Variants in PPP3R1 observed in about 807,000 individuals in gnomAD.
PPP3R1 encodes protein phosphatase 3 regulatory subunit B, alpha, also known as calcineurin subunit B type 1.
Under a neutral mutation model 22.6 loss-of-function variants are expected in PPP3R1, and 5 were observed. The ratio of observed to expected loss-of-function variants is 0.22; its 90% CI spans 0.12 to 0.46. The LOEUF (loss-of-function observed/expected upper bound fraction) is 0.46, where lower values mean the gene tolerates loss of function less well. Among genes scored for constraint, PPP3R1 ranks in the 20% least tolerant of loss-of-function variants. PPP3R1 has a pLI of 0.99. For missense variants in PPP3R1, 61 were observed against 203.2 expected, an observed-to-expected ratio of 0.30 and a Z score of 4.25; for synonymous variants, 56 against 65.2, an observed-to-expected ratio of 0.86 and a Z score of 0.68.
chr2:68,251,564 G>C (rs943434803), intron 1 of PPP3R1, among the ~76,000 whole-genome samples: 7 of 152,230 alleles, frequency 4.6e-5, no homozygotes, highest in Non-Finnish European at 1.0e-4. Context: ...ACGCTCGCAG[G>C]AGAGGGGAAG....
At chr2:68,190,417 T>C (rs1375435330) in intron 2 of PPP3R1, among the ~76,000 whole-genome samples, 1 of 151,812 alleles carries the variant, frequency 6.6e-6, no homozygotes. Flanking sequence ...ATACAAAAAT[T>C]AGCCGGGAGT....
At chr2:68,226,410 T>A (rs2103784864) in intron 1 of PPP3R1, among the ~76,000 whole-genome samples, 1 of 152,236 alleles carries the variant, frequency 6.6e-6, no homozygotes, top group East Asian at 1.9e-4. Flanking sequence ...TACATAATTT[T>A]AGTCTCCAGT....
chr2:68,226,136 G>C (rs767783335), intron 1 of PPP3R1, among the ~76,000 whole-genome samples: 3 of 152,176 alleles, frequency 2.0e-5, no homozygotes, highest in Non-Finnish European at 4.4e-5. Context: ...ACAAACTACA[G>C]TAACTGAAAG....
intron 2 of PPP3R1, among the ~76,000 whole-genome samples, chr2:68,212,557 T>C (rs553057670): frequency 6.6e-6 from 1 of 152,328 alleles, no homozygotes; most frequent in South Asian, 2.1e-4. Flanking sequence ...AACGTTACTC[T>C]CTATGTACAT....
rs376998525 is a variant in PPP3R1 at position 68,187,283 on chromosome 2, G to A, written c.252C>T (p.Val84=). 9.3e-6 allele frequency: 15 copies of A among 1,611,034 alleles called. No homozygotes were observed. In the South Asian group the frequency reaches 1.7e-4, roughly 18 times the overall value. Residue 84 remains valine (V), a synonymous_variant, in exon 4 of 6, where the codon GTC becomes GTT. Coordinates refer to ENST00000234310, the MANE Select transcript of PPP3R1 (RefSeq NM_000945.4). ...TCAATTTCTGCTCCTTATCTCCTTT[G>A]ACACTGAACTGAGAGACGCCCTCAA... ...EFIEGVSQFS[V]KGDKEQKLRF...
At chr2:68,198,390 T>C (rs1035765401) in intron 2 of PPP3R1, among the ~76,000 whole-genome samples, 3 of 124,318 alleles carry the variant, frequency 2.4e-5, no homozygotes, top group Non-Finnish European at 5.0e-5. Context: ...TATGCATATA[T>C]ATGTATATAT....
intron 1 of PPP3R1, among the ~76,000 whole-genome samples, chr2:68,231,202 G>A (rs927018333): frequency 6.6e-6 from 1 of 151,828 alleles, no homozygotes; most frequent in Middle Eastern, 3.2e-3. Context: ...GTTCAGACTG[G>A]GTAACTACTT....
intron 1 of PPP3R1, among the ~76,000 whole-genome samples, chr2:68,223,806 CAA>C (rs79743936): frequency 8.5e-5 from 5 of 58,498 alleles, no homozygotes; most frequent in Admixed American, 1.9e-4. Flanking sequence ...AAAGGGAAGA[CAA>C]AAAAAAAAAA....
intron 1 of PPP3R1, among the ~76,000 whole-genome samples, chr2:68,225,292 G>A (rs2103783413): frequency 6.6e-6 from 1 of 152,244 alleles, no homozygotes; most frequent in East Asian, 1.9e-4. Flanking sequence ...TTCCCTGTGT[G>A]GTCTAAGAAG....
At chr2:68,240,373 G>T (rs953356806) in intron 1 of PPP3R1, among the ~76,000 whole-genome samples, 1 of 152,180 alleles carries the variant, frequency 6.6e-6, no homozygotes, top group Non-Finnish European at 1.5e-5. Flanking sequence ...CCCATACGCA[G>T]AGTTTTCTTT....
intron 2 of PPP3R1, among the ~76,000 whole-genome samples, chr2:68,201,173 C>T (rs1674967948): frequency 6.6e-6 from 1 of 152,164 alleles, no homozygotes. Context: ...ATTTTATCTA[C>T]TGTTCCTATG....
At chr2:68,251,391 G>C (rs985462497) in intron 1 of PPP3R1, among the ~76,000 whole-genome samples, 1 of 152,206 alleles carries the variant, frequency 6.6e-6, no homozygotes, top group Non-Finnish European at 1.5e-5. Flanking sequence ...AAAAACCCTT[G>C]GTAGTAACGG....
In PPP3R1 at chr2:68,179,009, A is replaced by AAAAAAT; in HGVS notation, c.*1953_*1954insATTTTT. Reference sequence around the variant, plus strand: ...CACACACAAACTAAAAAAAAAAAAAAAAAAAAAGAAAAAGAAAAAACCCTC... The same window carrying AAAAAAT: ...CACACACAAACTAAAAAAAAAAAAAAAAAAATAAAAAAAGAAAAAGAAAAAACCCTC... On this transcript the variant is annotated 3_prime_UTR_variant, in exon 6 of 6. Coordinates refer to ENST00000234310, the MANE Select transcript of PPP3R1 (RefSeq NM_000945.4). The AAAAAAT allele has an allele frequency of 8.2e-6, 1 of 122,532 alleles. No homozygotes were observed. The highest frequency in any genetic ancestry group is 1.6e-5 in the Non-Finnish European group (1 of 61,312). The allele number at this position is 122,532 out of a possible 1,614,324, so 7.6% of individuals were successfully genotyped here.
chr2:68,196,593 C>A (rs1230379736), intron 2 of PPP3R1, among the ~76,000 whole-genome samples: 1 of 152,110 alleles, frequency 6.6e-6, no homozygotes, highest in Non-Finnish European at 1.5e-5. Flanking sequence ...GAAATATAAT[C>A]TTAGACTGCA....
At chr2:68,229,400 T>C (rs562167596) in intron 1 of PPP3R1, among the ~76,000 whole-genome samples, 2 of 152,324 alleles carry the variant, frequency 1.3e-5, no homozygotes, top group South Asian at 2.1e-4. Context: ...ATAAATTACA[T>C]AGCACTGGTT....
In PPP3R1 at chr2:68,180,855, G is replaced by T; in HGVS notation, c.*108C>A. 1 of 1,182,284 alleles carries T rather than the reference G, an allele frequency of 8.5e-7. No homozygotes were observed. The allele number at this position is 1,182,284 out of a possible 1,614,324, so 73.2% of individuals were successfully genotyped here. A position where few individuals can be genotyped will look rare whatever the true frequency, so the allele number is the denominator to read the frequency against. ...ATGTTGGAAAATGTGGCTTCACAGA[G>T]AAAAATACTTCCATTTAAATACACA... On this transcript the variant is annotated 3_prime_UTR_variant, in exon 6 of 6. Transcript: ENST00000234310.
At chr2:68,215,040 A>G (rs1572965134) in intron 2 of PPP3R1, among the ~76,000 whole-genome samples, 1 of 152,154 alleles carries the variant, frequency 6.6e-6, no homozygotes, top group East Asian at 1.9e-4. Context: ...ACAGAAAACC[A>G]AATACTGCAT....
rs531746005 is a variant in PPP3R1 at position 68,216,366 on chromosome 2, T to A, written c.43+726A>T. Among the ~76,000 whole-genome samples the A allele has an allele frequency of 3.3e-5, 5 of 152,202 alleles. No individual in the cohort carries two copies. The South Asian group carries it at 1.0e-3, about 32-fold the overall frequency. On this transcript the variant is annotated intron_variant, in intron 2 of 5. Coordinates refer to ENST00000234310, the MANE Select transcript of PPP3R1 (RefSeq NM_000945.4). ...AAAAAGGCTTTAGACAACAGAATTT[T>A]ATTCTGAAAGTTTGCTGTTCAGTCA...
At chr2:68,199,629 G>A (rs1558631618) in intron 2 of PPP3R1, among the ~76,000 whole-genome samples, 2 of 152,162 alleles carry the variant, frequency 1.3e-5, no homozygotes, top group African/African-American at 4.8e-5. Context: ...TCAGGCTGAG[G>A]AAGTTCCCTT....
Sources: allele counts gnomAD v4.1 joint callset (sites outside exome capture counted in the v4.1 genomes callset), GRCh38; gene constraint gnomAD v4.1.1; transcripts MANE v1.5; gene names NCBI Gene and HGNC (gene_info 2026-07-23, HGNC 2026-07-21).